Variants in CASC3 observed in about 807,000 individuals in gnomAD.
CASC3 encodes protein CASC3.
In CASC3, 30 loss-of-function variants were observed where a neutral mutation model predicts 80.5. That is an observed-to-expected ratio of 0.37 (90% CI 0.28 to 0.51). The LOEUF is 0.51. Ranked by LOEUF, CASC3 falls within the 20% of genes least tolerant of loss-of-function variation. The probability of loss-of-function intolerance (pLI) is 0.94; values close to 1 mark genes in which losing one functional copy is unlikely to be tolerated. For missense variants in CASC3, 824 were observed against 922.2 expected, an observed-to-expected ratio of 0.89 and a Z score of 1.38; for synonymous variants, 312 against 333.6, an observed-to-expected ratio of 0.94 and a Z score of 0.70.
rs1159207889 is a variant in CASC3 at position 40,171,024 on chromosome 17, A to G, written c.*619A>G. On this transcript the variant is annotated 3_prime_UTR_variant, in exon 14 of 14. Coordinates refer to ENST00000264645, the MANE Select transcript of CASC3 (RefSeq NM_007359.5). Reference sequence around the variant, plus strand: ...ACCTGGCCTTTCACTTTTAGTTGGCATTTGTTATCCTCTTGTATACTTGTA... The same window carrying G: ...ACCTGGCCTTTCACTTTTAGTTGGCGTTTGTTATCCTCTTGTATACTTGTA... 2 of 985,218 alleles carry G rather than the reference A, an allele frequency of 2.0e-6. No homozygotes were observed. The highest frequency in any genetic ancestry group is 2.4e-6 in the Non-Finnish European group (2 of 829,920). 61.0% of individuals were successfully genotyped at this position (985,218 alleles called of 1,614,324 possible).
At chr17:40,141,312 A>G (rs1988710737) in intron 2 of CASC3, 78 bp downstream of exon 2, 1 of 1,281,414 alleles carries the variant, frequency 7.8e-7, no homozygotes, top group Admixed American at 1.7e-5. Context: ...CAACATCGAC[A>G]TTCTCACACA....
chr17:40,156,888 C>G (rs1209519873), intron 3 of CASC3, among the ~76,000 whole-genome samples: 2 of 151,362 alleles, frequency 1.3e-5, no homozygotes, highest in African/African-American at 4.9e-5. Context: ...AAAAAAAGGA[C>G]AAAAATTAGC....
chr17:40,168,096 T>TC, intron 10 of CASC3, 107 bp from the exon 11 acceptor site: 1 of 1,271,092 alleles, frequency 7.9e-7, no homozygotes, highest in Non-Finnish European at 1.1e-6. Flanking sequence ...CTTGTGTCCA[T>TC]CCTGAGGACT....
intron 3 of CASC3, among the ~76,000 whole-genome samples, chr17:40,143,380 A>G (rs947151889): frequency 6.6e-6 from 1 of 152,134 alleles, no homozygotes; most frequent in Non-Finnish European, 1.5e-5. Flanking sequence ...TGGGAGGTGG[A>G]GGTGGCAGTG....
chr17:40,169,542 TG>T, intron 12 of CASC3, 55 bp from the exon 13 acceptor site: 1 of 1,579,872 alleles, frequency 6.3e-7, no homozygotes, highest in Non-Finnish European at 8.6e-7. Flanking sequence ...TGTGTTTCTC[TG>T]GAAAACAGTC....
chr17:40,169,393 T>C lies in CASC3; in HGVS notation c.2035T>C (p.Ser679Pro). 6.2e-7 allele frequency: 1 copy of C among 1,612,478 alleles called. No individual in the cohort carries two copies. The highest frequency in any genetic ancestry group is 1.1e-5 in the South Asian group (1 of 90,828). ...PAQQQVQPKP[S>P]PPRRTPQPVT... ...CCAGCAGCAGGTGCAGCCAAAGCCC[T>C]CCCCACCCCGGAGGACTCCCCAGCC... Residue 679 changes from serine (S) to proline (P), a missense_variant, in exon 12 of 14, where the codon TCC becomes CCC. Ser to Pro is a moderately conservative substitution (Grantham distance 74, BLOSUM62 -1). Around this residue, in one of 3 missense-constraint regions of CASC3, gnomAD observed 464 missense variants for 506.0 expected, o/e 0.92. Coordinates refer to ENST00000264645, the MANE Select transcript of CASC3 (RefSeq NM_007359.5).
At position 40,140,631 on chromosome 17, in the gene CASC3, C is replaced by T; in HGVS notation, c.83C>T (p.Ser28Phe). The part of the protein sequence containing the change: ...SGASGSDSGG[S>F]PLRGGGSCSG... ...GCTTCGGGCTCCGACAGCGGCGGCTCCCCGTTGCGGGGAGGCGGGAGCTGC... is the reference window on the plus strand; with the variant it reads ...GCTTCGGGCTCCGACAGCGGCGGCTTCCCGTTGCGGGGAGGCGGGAGCTGC... Residue 28 changes from serine to phenylalanine, a missense_variant, in exon 1 of 14, where the codon TCC becomes TTC. Physicochemically the swap from Ser to Phe is radical, Grantham distance 155. Transcript: ENST00000264645. 6.2e-7 allele frequency: 1 copy of T among 1,609,016 alleles called. No homozygotes were observed. The highest frequency in any genetic ancestry group is 1.7e-5 in the Admixed American group (1 of 59,896).
In CASC3 at chr17:40,169,648, TAAC is replaced by T. The variant is rs532168471; in HGVS notation, c.*29_*31del. ...ACAAGTTTCTGAATATTTTAAATCT[TAAC>T]ATCATATAAAAGTAAGTGCACAACT... On this transcript the variant is annotated 3_prime_UTR_variant, in exon 13 of 14. Coordinates refer to ENST00000264645, the MANE Select transcript of CASC3 (RefSeq NM_007359.5). The T allele has an allele frequency of 6.5e-7, 1 of 1,550,148 alleles. No individual in the cohort carries two copies. The highest frequency in any genetic ancestry group is 8.7e-7 in the Non-Finnish European group (1 of 1,142,880).
At chr17:40,151,108 G>T (rs771266232) in intron 3 of CASC3, among the ~76,000 whole-genome samples, 1 of 152,066 alleles carries the variant, frequency 6.6e-6, no homozygotes, top group Non-Finnish European at 1.5e-5. Context: ...AGCCAGGTGC[G>T]TGCCTGTACT....
rs778134722 is a variant in CASC3 at position 40,163,766 on chromosome 17, T to A, written c.1071T>A (p.Thr357=). 2 of 1,614,152 alleles carry A rather than the reference T, an allele frequency of 1.2e-6. No homozygotes were observed. Among genetic ancestry groups the A allele is most frequent in the Admixed American group, 3.3e-5 (2 of 59,998 alleles). ...ACCGGTCACGGCGCCTAGAGCAGACTTCTGTGAGGGATCCATCTCCAGAAG... is the reference window on the plus strand; with the variant it reads ...ACCGGTCACGGCGCCTAGAGCAGACATCTGTGAGGGATCCATCTCCAGAAG... The part of the protein sequence containing the change: ...ISYRSRRLEQ[T]SVRDPSPEAD... The change falls in exon 7 of 14, where the codon ACT becomes ACA. Residue 357 remains threonine, a synonymous_variant. Transcript: ENST00000264645.
rs1989480281 is a variant in CASC3, at chr17:40,167,494, T to G, written c.1537-4T>G. 2 of 1,611,444 alleles carry G rather than the reference T, an allele frequency of 1.2e-6. No individual in the cohort carries two copies. Among genetic ancestry groups the G allele is most frequent in the East Asian group, 2.2e-5 (1 of 44,882 alleles). ...TATTGTTTAGGCCTCTTTCTTTGTC[T>G]CAGGGTGTCCAGGGTGGTCGAGCCA... On this transcript the variant is annotated splice_polypyrimidine_tract_variant and splice_region_variant and intron_variant, in intron 8 of 13. Transcript: ENST00000264645.
intron 3 of CASC3, among the ~76,000 whole-genome samples, chr17:40,159,691 C>T (rs922007127): frequency 9.4e-5 from 14 of 149,202 alleles, no homozygotes; most frequent in African/African-American, 3.2e-4. Context: ...ACTATAGGCG[C>T]ACACCACCAT....
intron 3 of CASC3, among the ~76,000 whole-genome samples, chr17:40,159,544 GTTT>G (rs368113645): frequency 2.7e-5 from 3 of 112,844 alleles, no homozygotes; most frequent in Admixed American, 1.9e-4. Flanking sequence ...TTCATTGTGT[GTTT>G]TTTTTTTTTT....
rs1173065341 is a variant in CASC3, at chr17:40,156,967, C to T, written c.298-4786C>T. 3.3e-5 allele frequency among the ~76,000 whole-genome samples: 5 copies of T among 150,050 alleles called. No homozygotes were observed. The East Asian group carries it at 6.0e-4, about 18-fold the overall frequency. On this transcript the variant is annotated intron_variant, in intron 3 of 13. Coordinates refer to ENST00000264645, the MANE Select transcript of CASC3 (RefSeq NM_007359.5). ...CTGAGGCAGGAGGATCACTCGAGCCCGGGAGTTTGAGGCTGCAGCAAGCCA... is the reference window on the plus strand; with the variant it reads ...CTGAGGCAGGAGGATCACTCGAGCCTGGGAGTTTGAGGCTGCAGCAAGCCA...
intron 3 of CASC3, among the ~76,000 whole-genome samples, chr17:40,147,533 G>A (rs565367903): frequency 6.6e-6 from 1 of 152,188 alleles, no homozygotes; most frequent in South Asian, 2.1e-4. Context: ...TGTGGTCCCA[G>A]CTACTGAGGA....
At chr17:40,153,415 T>C (rs1230800454) in intron 3 of CASC3, among the ~76,000 whole-genome samples, 2 of 152,230 alleles carry the variant, frequency 1.3e-5, no homozygotes, top group African/African-American at 2.4e-5. Context: ...TTTCCATAGC[T>C]TATTTCCATC....
At chr17:40,157,128 G>A (rs1405209608) in intron 3 of CASC3, among the ~76,000 whole-genome samples, 1 of 150,932 alleles carries the variant, frequency 6.6e-6, no homozygotes, top group African/African-American at 2.4e-5. Context: ...GGTGGATCAC[G>A]AGGTCAGGAG....
At chr17:40,150,075 T>C (rs1309053371) in intron 3 of CASC3, among the ~76,000 whole-genome samples, 1 of 151,150 alleles carries the variant, frequency 6.6e-6, no homozygotes. Flanking sequence ...GTGTTTTGTT[T>C]TTGTGAAATA....
intron 3 of CASC3, among the ~76,000 whole-genome samples, chr17:40,152,433 T>G (rs545301768): frequency 6.6e-6 from 1 of 152,142 alleles, no homozygotes; most frequent in African/African-American, 2.4e-5. Flanking sequence ...GCGGTTCTCC[T>G]GCCTAAGCCT....
Sources: gnomAD v4.1 joint callset for allele counts (sites outside exome capture counted in the v4.1 genomes callset) on GRCh38, gnomAD v4.1.1 for gene constraint, gnomAD v4.1.1 regional missense constraint, MANE v1.5 for transcripts, NCBI Gene and HGNC (gene_info 2026-07-23, HGNC 2026-07-21) for gene names.